Variants in NBPF11 observed in about 807,000 individuals in gnomAD.
NBPF11 encodes NBPF member 11.
Under a neutral mutation model 93.9 loss-of-function variants are expected in NBPF11, and 72 were observed. That is an observed-to-expected ratio of 0.77 (90% CI 0.63 to 0.93). NBPF11 has a LOEUF of 0.93. NBPF11 is among the 40% of genes least tolerant of loss of function. The probability of loss-of-function intolerance (pLI) is 0.00; values close to 1 mark genes in which losing one functional copy is unlikely to be tolerated. For missense variants in NBPF11, 705 were observed against 802.2 expected (o/e 0.88, Z 1.46); for synonymous variants, 224 against 304.9 (o/e 0.73, Z 2.76).
chr1:148,142,319 G>A (rs1367359785), intron 2 of NBPF11, among the ~76,000 whole-genome samples: 3 of 152,014 alleles, frequency 2.0e-5, no homozygotes, highest in Non-Finnish European at 4.4e-5. Flanking sequence ...GTTTCCATGG[G>A]GTACAACCCC....
chr1:148,118,258 C>T (rs3992651), intron 11 of NBPF11, among the ~76,000 whole-genome samples: 2 of 151,684 alleles, frequency 1.3e-5, no homozygotes, highest in Admixed American at 1.3e-4. Flanking sequence ...GAATGAGAAG[C>T]CGCAGTCAGT....
At chr1:148,112,108 T>A (rs1180192531) in intron 15 of NBPF11, among the ~76,000 whole-genome samples, 1 of 137,888 alleles carries the variant, frequency 7.3e-6, no homozygotes, top group Non-Finnish European at 1.5e-5. Flanking sequence ...AACATTCTTT[T>A]TTTTCCATAT....
chr1:148,122,603 G>C (rs1337391675), intron 8 of NBPF11, 126 bp downstream of exon 8: 40 of 1,399,050 alleles, frequency 2.9e-5, no homozygotes, highest in East Asian at 2.7e-4. Flanking sequence ...AAGCTGGGTT[G>C]AATTTCACAT....
In NBPF11 at chr1:148,107,054, T is replaced by C; in HGVS notation, c.2139A>G (p.Arg713=). Residue 713 remains arginine (R), a synonymous_variant, in exon 20 of 24, where the codon AGA becomes AGG. Transcript: ENST00000682118. ...EPEVLQDSLD[R]CYSTPSGYLE... is the part of the protein sequence containing the mutation. ...GATAACCTGAAGGAGTCGAATAACA[T>C]CTATCCAGTGAGTCCTGCAAGACTT... 3.2e-6 allele frequency: 2 copies of C among 626,390 alleles called. No individual in the cohort carries two copies. The highest frequency in any genetic ancestry group is 2.9e-5 in the East Asian group (1 of 34,688). 38.8% of individuals were successfully genotyped at this position (626,390 alleles called of 1,614,324 possible).
intron 9 of NBPF11, 38 bp from the exon 10 acceptor site, chr1:148,120,748 A>T: frequency 7.2e-7 from 1 of 1,391,992 alleles, no homozygotes; most frequent in Non-Finnish European, 1.0e-6. Context: ...TGGGTTAAAA[A>T]CTGGTGAAAT....
At chr1:148,111,860 T>C (rs1665360974) in intron 15 of NBPF11, among the ~76,000 whole-genome samples, 1 of 150,874 alleles carries the variant, frequency 6.6e-6, no homozygotes, top group Non-Finnish European at 1.5e-5. Flanking sequence ...TTCCCCAACC[T>C]AGCAAGGAAG....
At chr1:148,111,631 A>G (rs1163685370) in intron 15 of NBPF11, among the ~76,000 whole-genome samples, 1 of 151,462 alleles carries the variant, frequency 6.6e-6, no homozygotes, top group African/African-American at 2.4e-5. Context: ...AGCCAATTCG[A>G]TCAAGTGCAA....
At chr1:148,142,927 T>C (rs1443324258) in intron 2 of NBPF11, among the ~76,000 whole-genome samples, 2 of 152,266 alleles carry the variant, frequency 1.3e-5, no homozygotes, top group African/African-American at 2.4e-5. Context: ...TGTTTCCCCA[T>C]CCTGGACACA....
chr1:148,127,095 T>C (rs1669296927), intron 4 of NBPF11, 57 bp from the exon 5 acceptor site: 2 of 493,330 alleles, frequency 4.1e-6, no homozygotes, highest in Non-Finnish European at 6.8e-6. Flanking sequence ...ATCAAATAGG[T>C]TTAATCAGGA....
rs1373156872 is a variant in NBPF11, at chr1:148,129,150, ATATAT to A, written c.-35-2117_-35-2113del. Among the ~76,000 whole-genome samples, 1,269 of 140,036 alleles carry A rather than the reference ATATAT, an allele frequency of 9.1e-3. 26 individuals are homozygous for A. The highest frequency in any genetic ancestry group is 0.032 in the African/African-American group (1,207 of 37,440). The allele number at this position is 140,036 out of a possible 152,430, so 91.9% of individuals were successfully genotyped here. A position where few individuals can be genotyped will look rare whatever the true frequency, so the allele number is the denominator to read the frequency against. On this transcript the variant is annotated intron_variant, in intron 4 of 23. Coordinates refer to ENST00000682118, the MANE Select transcript of NBPF11 (RefSeq NM_001385469.3). The stretch of plus-strand genomic sequence containing the variant: ...GTATTATTTATATATACACATGTAT[ATATAT>A]TATATATATATACACATATATACAT...
intron 1 of NBPF11, among the ~76,000 whole-genome samples, chr1:148,150,853 G>C (rs1221279468): frequency 1.3e-5 from 2 of 150,906 alleles, no homozygotes; most frequent in Non-Finnish European, 2.9e-5. Flanking sequence ...TCAGCCTCCC[G>C]AGTAGCTGGG....
At position 148,122,764 on chromosome 1, in the gene NBPF11, C is replaced by T. The variant is rs1247147475; in HGVS notation, c.531G>A (p.Glu177=). Residue 177 remains glutamate (E), a synonymous_variant, in exon 8 of 24, where the codon GAG becomes GAA. Transcript: ENST00000682118. ...DEDEDEDVQV[E]EDEKVLESSA... Reference sequence around the variant, plus strand: ...ATGATTCCAGTACTTTCTCATCCTCCTCAACTTGAACATCTTCATCCTCAT... The same window carrying T: ...ATGATTCCAGTACTTTCTCATCCTCTTCAACTTGAACATCTTCATCCTCAT... The T allele has an allele frequency of 6.2e-7, 1 of 1,609,976 alleles. No individual in the cohort carries two copies. The highest frequency in any genetic ancestry group is 1.3e-5 in the African/African-American group (1 of 74,756).
chr1:148,141,796 G>A (rs1289983037), intron 2 of NBPF11, among the ~76,000 whole-genome samples: 1 of 151,804 alleles, frequency 6.6e-6, no homozygotes, highest in African/African-American at 2.4e-5. Context: ...CCACAAATCA[G>A]AGGAGGAGGA....
At chr1:148,137,205 G>A (rs1330889467) in intron 3 of NBPF11, among the ~76,000 whole-genome samples, 2 of 151,932 alleles carry the variant, frequency 1.3e-5, no homozygotes, top group Non-Finnish European at 2.9e-5. Flanking sequence ...ACAGAGCTTT[G>A]TGTGGCTGGT....
intron 15 of NBPF11, among the ~76,000 whole-genome samples, chr1:148,112,868 C>G (rs1376774605): frequency 6.6e-6 from 1 of 150,778 alleles, no homozygotes; most frequent in African/African-American, 2.5e-5. Flanking sequence ...TCCAGCCAAA[C>G]AAAGCTTCAT....
intron 15 of NBPF11, among the ~76,000 whole-genome samples, chr1:148,113,264 G>T (rs1396462372): frequency 1.5e-4 from 23 of 152,028 alleles, no homozygotes; most frequent in South Asian, 4.1e-4. Flanking sequence ...AAAATAAAGG[G>T]ATGGAGGAAG....
Position 148,108,587 on chromosome 1 carries a change from A to C in NBPF11, c.1921T>G (p.Ser641Ala), listed in dbSNP as rs1195654128. The C allele has an allele frequency of 1.3e-5, 21 of 1,572,032 alleles. No individual in the cohort carries two copies. Among genetic ancestry groups the C allele is most frequent in the Non-Finnish European group, 1.7e-5 (20 of 1,144,622 alleles). Residue 641 changes from serine to alanine, a missense_variant, in exon 18 of 24, where the codon TCA becomes GCA. Transcript: ENST00000682118. The stretch of plus-strand genomic sequence containing the variant: ...AGTCCAAGATAAACTGAAGGAGTTG[A>C]ATAACATCTATCCAGTGAGTCCTGC... ...VLQDSLDRCYSTPSVYLGLTD... is the reference protein window; with the variant it reads ...VLQDSLDRCYATPSVYLGLTD...
intron 4 of NBPF11, chr1:148,135,396 T>G: frequency 3.2e-6 from 1 of 314,234 alleles, no homozygotes; most frequent in Admixed American, 4.8e-5. Flanking sequence ...ATATTATAAA[T>G]TGTATCATCT....
At chr1:148,105,668 C>T (rs1663378166) in intron 21 of NBPF11, 140 bp from the exon 22 acceptor site, 4 of 619,142 alleles carry the variant, frequency 6.5e-6, no homozygotes, top group Non-Finnish European at 5.6e-6. Flanking sequence ...AAATTATTGC[C>T]TTCATGTTGG....
Sources: allele counts gnomAD v4.1 joint callset (sites outside exome capture counted in the v4.1 genomes callset), GRCh38; gene constraint gnomAD v4.1.1; transcripts MANE v1.5; gene names NCBI Gene and HGNC (gene_info 2026-07-23, HGNC 2026-07-21).